Variants in MGAT5 observed in about 807,000 individuals in gnomAD.
The protein encoded by MGAT5 is alpha-1,6-mannosylglycoprotein 6-beta-N-acetylglucosaminyltransferase.
Under a neutral mutation model 94.3 loss-of-function variants are expected in MGAT5, and 30 were observed. The ratio of observed to expected loss-of-function variants is 0.32; its 90% CI spans 0.24 to 0.43. The LOEUF (loss-of-function observed/expected upper bound fraction) is 0.43. Ranked by LOEUF, MGAT5 falls within the 20% of genes least tolerant of loss-of-function variation. The pLI is 1.00. For synonymous variants in MGAT5, 310 were observed against 322.9 expected, an observed-to-expected ratio of 0.96 and a Z score of 0.43; for missense variants, 691 against 905.5, an observed-to-expected ratio of 0.76 and a Z score of 3.04.
intron 2 of MGAT5, among the ~76,000 whole-genome samples, chr2:134,285,301 C>T (rs766320181): frequency 4.5e-4 from 69 of 151,818 alleles, no homozygotes; most frequent in Non-Finnish European, 9.0e-4. Flanking sequence ...TATAATTGTA[C>T]TCTTTGTTTT....
chr2:134,230,510 C>G (rs1476745595), intron 1 of MGAT5, among the ~76,000 whole-genome samples: 2 of 152,112 alleles, frequency 1.3e-5, no homozygotes, highest in African/African-American at 4.8e-5. Flanking sequence ...TGAACCTTGC[C>G]AACACAAATT....
At chr2:134,314,957 A>G (rs2099677) in intron 2 of MGAT5, among the ~76,000 whole-genome samples, 20,863 of 152,162 alleles carry the variant, frequency 0.14, 1,704 homozygotes, top group South Asian at 0.26. Flanking sequence ...TTTCATGACA[A>G]CAGCAGAGTT....
intron 12 of MGAT5, among the ~76,000 whole-genome samples, chr2:134,421,797 T>C (rs1036014898): frequency 2.0e-5 from 3 of 152,056 alleles, no homozygotes; most frequent in Non-Finnish European, 2.9e-5. Context: ...GCTAGAATGC[T>C]CCCTTTACAA....
intron 12 of MGAT5, among the ~76,000 whole-genome samples, chr2:134,422,154 T>TG (rs1219558048): frequency 1.5e-5 from 2 of 132,878 alleles, no homozygotes; most frequent in African/African-American, 6.8e-5. Flanking sequence ...CAAGACCCTT[T>TG]GGGGAAAAAA....
intron 1 of MGAT5, among the ~76,000 whole-genome samples, chr2:134,180,768 G>A (rs1688697012): frequency 6.6e-6 from 1 of 152,160 alleles, no homozygotes; most frequent in Non-Finnish European, 1.5e-5. Context: ...CCAAGAAGGA[G>A]ACCAGGAATG....
At chr2:134,146,171 C>CA (rs1354635447) in intron 1 of MGAT5, among the ~76,000 whole-genome samples, 2 of 152,024 alleles carry the variant, frequency 1.3e-5, no homozygotes, top group African/African-American at 4.8e-5. Flanking sequence ...TCATAGGAGA[C>CA]AAAAAATTTA....
chr2:134,205,202 CAGA>C (rs1679969905), intron 1 of MGAT5, among the ~76,000 whole-genome samples: 1 of 152,124 alleles, frequency 6.6e-6, no homozygotes, highest in Non-Finnish European at 1.5e-5. Flanking sequence ...TGCTTGTAGC[CAGA>C]AGCCCCTGAT....
Position 134,412,825 on chromosome 2 carries a change from C to T in MGAT5, c.1531-44C>T, listed in dbSNP as rs1261066106. 2.5e-6 allele frequency: 4 copies of T among 1,604,048 alleles called. No individual in the cohort carries two copies. In the East Asian group the frequency reaches 9.0e-5, roughly 36 times the overall value. On this transcript the variant is annotated intron_variant, in intron 11 of 15. Coordinates refer to ENST00000281923, the MANE Select transcript of MGAT5 (RefSeq NM_002410.5). ...AGGAATGCCCGTCCTGCCTGATGGTCCTGCCTGATGTGTTCATACGCTGTG... is the reference window on the plus strand; with the variant it reads ...AGGAATGCCCGTCCTGCCTGATGGTTCTGCCTGATGTGTTCATACGCTGTG...
At chr2:134,394,606 T>C (rs1233063644) in intron 10 of MGAT5, among the ~76,000 whole-genome samples, 1 of 152,244 alleles carries the variant, frequency 6.6e-6, no homozygotes, top group African/African-American at 2.4e-5. Flanking sequence ...TATTACTTTA[T>C]ATTTTTCATA....
At chr2:134,356,115 G>A (rs1038863396) in intron 9 of MGAT5, among the ~76,000 whole-genome samples, 2 of 152,182 alleles carry the variant, frequency 1.3e-5, no homozygotes, top group African/African-American at 4.8e-5. Context: ...TTCACAATGT[G>A]AAGACACACA....
rs761118835 is a variant in MGAT5 at position 134,344,912 on chromosome 2, CTT to C, written c.978-15_978-14del. 2 of 1,608,732 alleles carry C rather than the reference CTT, an allele frequency of 1.2e-6. No individual in the cohort carries two copies. The highest frequency in any genetic ancestry group is 1.7e-6 in the Non-Finnish European group (2 of 1,177,062). Reference sequence around the variant, plus strand: ...GATTTTTCTCTTTTTTCTCCCCTCTCTTTTGCCGTTTCTCTAGAATCATGAAG... The same window carrying C: ...GATTTTTCTCTTTTTTCTCCCCTCTCTTGCCGTTTCTCTAGAATCATGAAG... On this transcript the variant is annotated splice_polypyrimidine_tract_variant and intron_variant, in intron 7 of 15. Coordinates refer to ENST00000281923, the MANE Select transcript of MGAT5 (RefSeq NM_002410.5).
chr2:134,354,193 A>G (rs915029961), intron 9 of MGAT5, among the ~76,000 whole-genome samples: 1 of 152,202 alleles, frequency 6.6e-6, no homozygotes, highest in African/African-American at 2.4e-5. Context: ...ATCATTATAT[A>G]ATTTCTGTAT....
At chr2:134,281,335 A>G (rs931516190) in intron 2 of MGAT5, among the ~76,000 whole-genome samples, 1 of 152,230 alleles carries the variant, frequency 6.6e-6, no homozygotes, top group Non-Finnish European at 1.5e-5. Context: ...GGACAGCATG[A>G]TGCCAGGTCT....
At chr2:134,365,280 C>G (rs188972432) in intron 10 of MGAT5, among the ~76,000 whole-genome samples, 6 of 152,344 alleles carry the variant, frequency 3.9e-5, no homozygotes, top group Admixed American at 3.9e-4. Flanking sequence ...CACCTCGGCA[C>G]TTAAGTGGGA....
chr2:134,126,082 A>T (rs2104882229), intron 1 of MGAT5, among the ~76,000 whole-genome samples: 1 of 152,372 alleles, frequency 6.6e-6, no homozygotes, highest in South Asian at 2.1e-4. Flanking sequence ...GAAAGAGAGC[A>T]GAGGCCACAC....
chr2:134,442,360 C>G (rs1685529692), intron 15 of MGAT5, among the ~76,000 whole-genome samples: 1 of 152,084 alleles, frequency 6.6e-6, no homozygotes, highest in Non-Finnish European at 1.5e-5. Context: ...TGACATTGTT[C>G]AACCCTGGAG....
At chr2:134,122,823 A>G (rs1685678377) in intron 1 of MGAT5, among the ~76,000 whole-genome samples, 1 of 152,204 alleles carries the variant, frequency 6.6e-6, no homozygotes, top group Admixed American at 6.5e-5. Context: ...AGTTGGTTTT[A>G]AGGTGAACTG....
chr2:134,395,345 G>A (rs1238956127), intron 10 of MGAT5, among the ~76,000 whole-genome samples: 1 of 152,202 alleles, frequency 6.6e-6, no homozygotes, highest in African/African-American at 2.4e-5. Context: ...AAAGCTCTGT[G>A]CTAAGGCAGA....
intron 7 of MGAT5, among the ~76,000 whole-genome samples, chr2:134,343,748 C>A (rs1462405228): frequency 1.3e-5 from 2 of 152,170 alleles, no homozygotes; most frequent in African/African-American, 4.8e-5. Context: ...TATGGCTCAG[C>A]AGGCCAAATC....
Sources: gnomAD v4.1 joint callset for allele counts (sites outside exome capture counted in the v4.1 genomes callset) on GRCh38, gnomAD v4.1.1 for gene constraint, MANE v1.5 for transcripts, NCBI Gene and HGNC (gene_info 2026-07-23, HGNC 2026-07-21) for gene names.